GAD2: variants seen among roughly 807,000 people sequenced by gnomAD.
GAD2 encodes glutamate decarboxylase 2, also known as 65 kDa glutamic acid decarboxylase.
In GAD2, 22 loss-of-function variants were observed where a neutral mutation model predicts 80.1. The observed-to-expected ratio is 0.27, with a 90% CI of 0.20 to 0.39. GAD2 has a LOEUF of 0.39. GAD2 is among the 10% of genes least tolerant of loss of function. The pLI, the probability that GAD2 is intolerant of heterozygous loss-of-function variation, is 1.00. For missense variants in GAD2, 624 were observed against 738.4 expected (o/e 0.85, Z 1.80); for synonymous variants, 274 against 256.9 (o/e 1.07, Z -0.64).
At chr10:26,248,817 A>C (rs930269693) in intron 8 of GAD2, among the ~76,000 whole-genome samples, 1 of 152,146 alleles carries the variant, frequency 6.6e-6, no homozygotes, top group African/African-American at 2.4e-5. Flanking sequence ...TCAGAAAAAA[A>C]AATGGTGTTA....
intron 8 of GAD2, among the ~76,000 whole-genome samples, chr10:26,260,037 A>C (rs1844990813): frequency 1.3e-5 from 2 of 152,160 alleles, no homozygotes; most frequent in Non-Finnish European, 2.9e-5. Context: ...TTTAAAATAT[A>C]TTTACATATA....
chr10:26,286,684 T>C (rs1441342488), intron 13 of GAD2, among the ~76,000 whole-genome samples, 190 bp downstream of exon 13: 1 of 152,266 alleles, frequency 6.6e-6, no homozygotes, highest in Non-Finnish European at 1.5e-5. Flanking sequence ...TGTTTGTTTC[T>C]TTTCTAGCCA....
chr10:26,245,172 AAAAAG>A (rs1177832266), intron 7 of GAD2, among the ~76,000 whole-genome samples: 2 of 150,398 alleles, frequency 1.3e-5, no homozygotes, highest in African/African-American at 5.0e-5. Context: ...AAAAAAAAGA[AAAAAG>A]AAAAAAGTTA....
chr10:26,224,283 A>G (rs1844492470), intron 5 of GAD2, among the ~76,000 whole-genome samples: 1 of 152,202 alleles, frequency 6.6e-6, no homozygotes, highest in Non-Finnish European at 1.5e-5. Flanking sequence ...TTACTCTGCA[A>G]TATTTTTTAT....
Position 26,304,048 on chromosome 10 carries a change from G to T in GAD2, c.*3087G>T, listed in dbSNP as rs1834356345. ...GGCTCTAATAGAGAACATGCCCTCA[G>T]CTAAGCCCCCTACTGAGAAACTTCC... On this transcript the variant is annotated 3_prime_UTR_variant, in exon 16 of 16. Transcript: ENST00000376261. 1 of 152,012 alleles carries T rather than the reference G, an allele frequency of 6.6e-6. No individual in the cohort carries two copies. The highest frequency in any genetic ancestry group is 1.5e-5 in the Non-Finnish European group (1 of 67,998). The allele number at this position is 152,012 out of a possible 1,614,324, so 9.4% of individuals were successfully genotyped here. A position where few individuals can be genotyped will look rare whatever the true frequency, so the allele number is the denominator to read the frequency against.
chr10:26,254,558 CAAGGA>C (rs1303579536), intron 8 of GAD2, among the ~76,000 whole-genome samples: 2 of 152,114 alleles, frequency 1.3e-5, no homozygotes, highest in Non-Finnish European at 2.9e-5. Flanking sequence ...CTGGCTTGTT[CAAGGA>C]ACTGAAAAGA....
At chr10:26,245,807 T>C (rs927775842) in intron 7 of GAD2, 114 bp from the exon 8 acceptor site, 1 of 805,596 alleles carries the variant, frequency 1.2e-6, no homozygotes, top group African/African-American at 1.7e-5. Flanking sequence ...GCCCAGGCTT[T>C]GGAGGAACAG....
chr10:26,288,480 G>GGAGAC (rs1291279561), intron 13 of GAD2, among the ~76,000 whole-genome samples: 2 of 152,108 alleles, frequency 1.3e-5, no homozygotes, highest in African/African-American at 2.4e-5. Context: ...CCACCTAGTG[G>GGAGAC]GAGACTCATT....
At chr10:26,237,367 C>T (rs1261815585) in intron 7 of GAD2, among the ~76,000 whole-genome samples, 1 of 152,166 alleles carries the variant, frequency 6.6e-6, no homozygotes, top group Non-Finnish European at 1.5e-5. Context: ...CATGACCCTT[C>T]GTCTCCTCCT....
At position 26,229,670 on chromosome 10, in the gene GAD2, A is replaced by G. The variant is rs1281281237; in HGVS notation, c.733A>G (p.Ile245Val). 1.9e-6 allele frequency: 3 copies of G among 1,613,248 alleles called. No homozygotes were observed. Among genetic ancestry groups the G allele is most frequent in the African/African-American group, 1.3e-5 (1 of 74,922 alleles). Residue 245 changes from isoleucine (I) to valine (V), a missense_variant, in exon 7 of 16, where the codon ATA becomes GTA. By Grantham distance (29) the Ile-to-Val change is conservative. Transcript: ENST00000376261. ...GDGIFSPGGA[I>V]SNMYAMMIAR... ...GTTGCTGTGCACTTTAGGTGGCGCC[A>G]TATCTAACATGTATGCCATGATGAT...
chr10:26,270,038 C>T (rs1284424423), intron 9 of GAD2, among the ~76,000 whole-genome samples: 1 of 152,208 alleles, frequency 6.6e-6, no homozygotes, highest in African/African-American at 2.4e-5. Flanking sequence ...CTGTTTGTGG[C>T]ATTCTCCTGC....
chr10:26,248,286 G>A (rs1267859260), intron 8 of GAD2, among the ~76,000 whole-genome samples: 1 of 152,230 alleles, frequency 6.6e-6, no homozygotes, highest in Admixed American at 6.5e-5. Flanking sequence ...CTGATTTGCA[G>A]TGGGTTAAGG....
intron 7 of GAD2, among the ~76,000 whole-genome samples, chr10:26,239,374 G>A (rs80254374): frequency 0.03 from 4,511 of 152,268 alleles, 203 homozygotes; most frequent in African/African-American, 0.1. Flanking sequence ...TCTGGAGCAG[G>A]TGCCAAGAAG....
In GAD2 at chr10:26,218,065, C is replaced by T. The variant is rs919134286; in HGVS notation, c.286+74C>T. ...CCCGCCCACCGCGGCCGGTGCGGGTCCGGCGCTGAGAGCCGGACAGGGGCG... is the reference window on the plus strand; with the variant it reads ...CCCGCCCACCGCGGCCGGTGCGGGTTCGGCGCTGAGAGCCGGACAGGGGCG... On this transcript the variant is annotated intron_variant, in intron 3 of 15. Transcript: ENST00000376261. The T allele has an allele frequency of 1.2e-5, 18 of 1,475,760 alleles. No individual in the cohort carries two copies. In the African/African-American group the frequency reaches 1.6e-4, roughly 13 times the overall value. 91.4% of individuals were successfully genotyped at this position (1,475,760 alleles called of 1,614,324 possible).
intron 4 of GAD2, among the ~76,000 whole-genome samples, chr10:26,219,779 C>T (rs563414616): frequency 1.4e-4 from 22 of 152,270 alleles, no homozygotes; most frequent in Admixed American, 1.2e-3. Context: ...AAATGGCCAA[C>T]CTTTCAGATT....
intron 4 of GAD2, among the ~76,000 whole-genome samples, chr10:26,220,051 T>C (rs900677164): frequency 2.0e-5 from 3 of 152,164 alleles, no homozygotes; most frequent in Admixed American, 1.3e-4. Context: ...TTTATAACAT[T>C]TATTTGGGTG....
At chr10:26,296,884 T>C (rs1834279208) in intron 15 of GAD2, among the ~76,000 whole-genome samples, 1 of 151,868 alleles carries the variant, frequency 6.6e-6, no homozygotes, top group Admixed American at 6.6e-5. Context: ...TTAAGTGCAA[T>C]AGAGGATTTA....
At chr10:26,261,205 A>G (rs1845005786) in intron 8 of GAD2, among the ~76,000 whole-genome samples, 1 of 152,178 alleles carries the variant, frequency 6.6e-6, no homozygotes, top group Non-Finnish European at 1.5e-5. Context: ...GTGATCATCA[A>G]TTACTTATTT....
At chr10:26,260,679 G>A (rs2132298448) in intron 8 of GAD2, among the ~76,000 whole-genome samples, 1 of 152,210 alleles carries the variant, frequency 6.6e-6, no homozygotes, top group South Asian at 2.1e-4. Flanking sequence ...CCAGGACTGT[G>A]TCTATGCTGA....
Sources: allele counts gnomAD v4.1 joint callset (sites outside exome capture counted in the v4.1 genomes callset), GRCh38; gene constraint gnomAD v4.1.1; transcripts MANE v1.5; gene names NCBI Gene and HGNC (gene_info 2026-07-23, HGNC 2026-07-21).